EPHB1: variants seen among roughly 807,000 people sequenced by gnomAD.
The protein encoded by EPHB1 is EPH receptor B1, also known as ephrin type-B receptor 1.
In EPHB1, 30 loss-of-function variants were observed where a neutral mutation model predicts 94.4. The ratio of observed to expected loss-of-function variants is 0.32; its 90% confidence interval spans 0.24 to 0.43. The LOEUF is 0.43. Among genes scored for constraint, EPHB1 ranks in the 20% least tolerant of loss-of-function variants. The pLI is 1.00. For synonymous variants in EPHB1, 522 were observed against 489.1 expected (o/e 1.07, Z -0.89); for missense variants, 1,055 against 1,308.3 (o/e 0.81, Z 2.99).
chr3:135,099,150 A>T (rs938286373), intron 3 of EPHB1, among the ~76,000 whole-genome samples: 3 of 151,778 alleles, frequency 2.0e-5, no homozygotes, highest in Admixed American at 6.6e-5. Flanking sequence ...TTTGTGTCTT[A>T]TCACAGCAGT....
At chr3:135,137,520 G>A (rs533026406) in intron 5 of EPHB1, among the ~76,000 whole-genome samples, 26 of 152,196 alleles carry the variant, frequency 1.7e-4, no homozygotes, top group Non-Finnish European at 2.6e-4. Flanking sequence ...ATTCCACCAC[G>A]GGGCAGTCAT....
chr3:135,049,779 G>T (rs912116798), intron 3 of EPHB1, among the ~76,000 whole-genome samples: 1 of 152,146 alleles, frequency 6.6e-6, no homozygotes, highest in South Asian at 2.1e-4. Context: ...ATTTTGAGTT[G>T]GTTTCTATGT....
At chr3:135,192,531 A>T in intron 10 of EPHB1, 45 bp from the exon 11 acceptor site, 2 of 1,599,186 alleles carry the variant, frequency 1.3e-6, no homozygotes, top group South Asian at 2.2e-5. Context: ...TTGAGTCCAC[A>T]GACTGAGAAG....
intron 4 of EPHB1, among the ~76,000 whole-genome samples, chr3:135,110,755 C>T (rs930842052): frequency 6.6e-6 from 1 of 152,208 alleles, no homozygotes; most frequent in Non-Finnish European, 1.5e-5. Context: ...AGAATCTGCT[C>T]TTCCTTCTCC....
At chr3:135,052,890 A>AAAAAAAATAT (rs1553726757) in intron 3 of EPHB1, among the ~76,000 whole-genome samples, 8 of 54,604 alleles carry the variant, frequency 1.5e-4, no homozygotes, top group African/African-American at 5.3e-4. Flanking sequence ...AAAAAAAAAA[A>AAAAAAAATAT]ATATATATAT....
At chr3:135,007,363 C>G (rs1935458106) in intron 3 of EPHB1, among the ~76,000 whole-genome samples, 1 of 152,194 alleles carries the variant, frequency 6.6e-6, no homozygotes, top group Non-Finnish European at 1.5e-5. Flanking sequence ...TAATCTTAGA[C>G]TTTCTGAAGA....
rs75170080 is a variant in EPHB1, at chr3:135,017,866, T to C, written c.805+65814T>C. Among the ~76,000 whole-genome samples the C allele has an allele frequency of 8.5e-3, 1,296 of 152,284 alleles. 21 individuals carry two copies. The highest frequency in any genetic ancestry group is 0.029 in the African/African-American group (1,212 of 41,564). ...CATGCAGGGCCTGAACTGCTGTGGT[T>C]GCTCAGTCTGTGTTTGTTGAATTAA... On this transcript the variant is annotated intron_variant, in intron 3 of 15. Transcript: ENST00000398015.
chr3:135,178,444 G>A (rs967991269), intron 9 of EPHB1, among the ~76,000 whole-genome samples: 1 of 137,714 alleles, frequency 7.3e-6, no homozygotes, highest in African/African-American at 2.8e-5. Context: ...CTGGGCAACA[G>A]AGCAAGACTG....
intron 13 of EPHB1, among the ~76,000 whole-genome samples, chr3:135,243,788 TACAG>T (rs1433084991): frequency 6.6e-6 from 1 of 152,190 alleles, no homozygotes; most frequent in East Asian, 1.9e-4. Flanking sequence ...TTTGAACATG[TACAG>T]AGAGTTTGTC....
chr3:135,183,024 T>C (rs1576452244), intron 10 of EPHB1, among the ~76,000 whole-genome samples: 1 of 50,962 alleles, frequency 2.0e-5, no homozygotes, highest in East Asian at 7.2e-4. Flanking sequence ...TCTTTTCTTT[T>C]CTTTTCTTTC....
At chr3:134,813,829 C>T (rs2108287104) in intron 1 of EPHB1, among the ~76,000 whole-genome samples, 1 of 152,306 alleles carries the variant, frequency 6.6e-6, no homozygotes, top group African/African-American at 2.4e-5. Flanking sequence ...GGAGGTGACA[C>T]ATGACAAGGA....
At chr3:135,153,226 G>C (rs769506674) in intron 5 of EPHB1, among the ~76,000 whole-genome samples, 17 of 152,158 alleles carry the variant, frequency 1.1e-4, no homozygotes, top group Non-Finnish European at 2.5e-4. Flanking sequence ...AGTGGAGTTT[G>C]AGTGAGGAAA....
intron 2 of EPHB1, among the ~76,000 whole-genome samples, chr3:134,940,726 C>G (rs1421362224): frequency 6.6e-6 from 1 of 152,212 alleles, no homozygotes; most frequent in East Asian, 1.9e-4. Context: ...TTTCCTGCTT[C>G]TTAGTAGTTG....
At chr3:134,801,468 C>T (rs1001421713) in intron 1 of EPHB1, among the ~76,000 whole-genome samples, 13 of 152,172 alleles carry the variant, frequency 8.5e-5, no homozygotes, top group Admixed American at 8.5e-4. Context: ...CTGTCGAGAG[C>T]GTGTTCCTGC....
intron 12 of EPHB1, among the ~76,000 whole-genome samples, chr3:135,221,526 A>G (rs6788428): frequency 0.66 from 99,744 of 152,078 alleles, 33,910 homozygotes; most frequent in Middle Eastern, 0.76. Context: ...ATTTAGCATA[A>G]TAAGTCCCAG....
rs59448814 is a variant in EPHB1 at position 134,882,761 on chromosome 3, C to CTTTCTTT, written c.59-43055_59-43054insTTTCTTT. 9.8e-3 allele frequency among the ~76,000 whole-genome samples: 307 copies of CTTTCTTT among 31,264 alleles called. 6 individuals carry two copies. The highest frequency in any genetic ancestry group is 0.019 in the African/African-American group (277 of 14,628). 20.5% of individuals were successfully genotyped at this position (31,264 alleles called of 152,430 possible). On this transcript the variant is annotated intron_variant, in intron 1 of 15. Transcript: ENST00000398015. ...TTCCTTCTTTCTTCCTTTCTTCCTT[C>CTTTCTTT]CTTCCTTTCTTTCTTTCTTTCTTTC...
chr3:135,015,765 G>A (rs1935777627), intron 3 of EPHB1, among the ~76,000 whole-genome samples: 2 of 152,186 alleles, frequency 1.3e-5, no homozygotes, highest in Admixed American at 1.3e-4. Flanking sequence ...GTGTGTCTGT[G>A]GCTGGGACTG....
intron 3 of EPHB1, among the ~76,000 whole-genome samples, chr3:135,030,481 C>G (rs1047407399): frequency 6.6e-6 from 1 of 152,188 alleles, no homozygotes; most frequent in Non-Finnish European, 1.5e-5. Context: ...GAATACCCTG[C>G]AGTGTGAGGT....
chr3:135,058,970 A>G (rs1025696321), intron 3 of EPHB1, among the ~76,000 whole-genome samples: 2 of 152,248 alleles, frequency 1.3e-5, no homozygotes, highest in African/African-American at 4.8e-5. Context: ...CTCACAGAAT[A>G]CAATTTGGAG....
Sources: gnomAD v4.1 joint callset for allele counts (sites outside exome capture counted in the v4.1 genomes callset) on GRCh38, gnomAD v4.1.1 for gene constraint, MANE v1.5 for transcripts, NCBI Gene and HGNC (gene_info 2026-07-23, HGNC 2026-07-21) for gene names.